DSCAML1: variants seen among roughly 807,000 people sequenced by gnomAD.
The protein encoded by DSCAML1 is cell adhesion molecule DSCAML1.
Under a neutral mutation model 200.5 loss-of-function variants are expected in DSCAML1, and 38 were observed. The observed-to-expected ratio is 0.19, with a 90% confidence interval of 0.15 to 0.25. The LOEUF is 0.25. Ranked by LOEUF, DSCAML1 falls within the 10% of genes least tolerant of loss-of-function variation. The pLI, the probability that DSCAML1 is intolerant of heterozygous loss-of-function variation, is 1.00. For synonymous variants in DSCAML1, 1,215 were observed against 1,165.0 expected (o/e 1.04, Z -0.87); for missense variants, 2,223 against 2,858.8 (o/e 0.78, Z 5.07).
intron 8 of DSCAML1, among the ~76,000 whole-genome samples, chr11:117,511,397 C>T (rs1362405076): frequency 1.3e-5 from 2 of 152,140 alleles, no homozygotes; most frequent in Admixed American, 1.3e-4. Flanking sequence ...CAAAGGGGCC[C>T]CAGTTGCAGC....
At position 117,505,992 on chromosome 11, in the gene DSCAML1, C is replaced by T. The variant is rs1352613827; in HGVS notation, c.1784-260G>A. ...ATTAACTCTGACCTTTTGATGTGTC[C>T]TGGAATTTGATTCATGCCTGCTGAT... is the stretch of plus-strand genomic sequence containing the variant. On this transcript the variant is annotated intron_variant, in intron 8 of 32. Coordinates refer to ENST00000651296, the MANE Select transcript of DSCAML1 (RefSeq NM_020693.4). The surrounding 1 kb of genome is among the most constrained non-coding windows in gnomAD (Gnocchi z 6.7). Among the ~76,000 whole-genome samples the T allele has an allele frequency of 6.6e-6, 1 of 152,220 alleles. No homozygotes were observed. The highest frequency in any genetic ancestry group is 1.5e-5 in the Non-Finnish European group (1 of 68,034).
At chr11:117,485,391 C>T (rs116721428) in intron 11 of DSCAML1, among the ~76,000 whole-genome samples, 2,517 of 152,306 alleles carry the variant, frequency 0.017, 69 homozygotes, top group African/African-American at 0.057. Context: ...CAATGAGCAT[C>T]ACACACCACA....
chr11:117,796,675 G>C (rs957089063), intron 1 of DSCAML1, among the ~76,000 whole-genome samples: 1 of 152,224 alleles, frequency 6.6e-6, no homozygotes, highest in African/African-American at 2.4e-5. Flanking sequence ...CCTCGACTCG[G>C]AGGGCACTCC....
At chr11:117,555,409 A>AAACT (rs1446645138) in intron 3 of DSCAML1, among the ~76,000 whole-genome samples, 2 of 152,136 alleles carry the variant, frequency 1.3e-5, no homozygotes, top group East Asian at 3.9e-4. Context: ...ACCCAGAAAC[A>AAACT]AACTCCCTGA....
intron 3 of DSCAML1, among the ~76,000 whole-genome samples, chr11:117,717,209 G>A (rs1031541099): frequency 1.3e-5 from 2 of 152,166 alleles, no homozygotes; most frequent in South Asian, 2.1e-4. Context: ...TAGGGCCCGA[G>A]AGCGGCCAAG....
chr11:117,769,125 A>ATTATGTATATTATATATTATATATATT lies in DSCAML1; in HGVS notation c.511+7639_511+7665dup, dbSNP rs1349115229. ...TATATATAATAGATATTTTATATAT[A>ATTATGTATATTATATATTATATATATT]TTATGTATATTATATATTATATATA... On this transcript the variant is annotated intron_variant, in intron 3 of 32. Transcript: ENST00000651296. Among the ~76,000 whole-genome samples the ATTATGTATATTATATATTATATATATT allele has an allele frequency of 5.7e-4, 73 of 127,214 alleles. 1 individual carries two copies. The highest frequency in any genetic ancestry group is 7.6e-4 in the Non-Finnish European group (48 of 63,420). The allele number at this position is 127,214 out of a possible 152,430, so 83.5% of individuals were successfully genotyped here.
chr11:117,737,407 G>A (rs1484194155), intron 3 of DSCAML1, among the ~76,000 whole-genome samples: 1 of 152,192 alleles, frequency 6.6e-6, no homozygotes, highest in Non-Finnish European at 1.5e-5. Flanking sequence ...ACAGTGCATG[G>A]GGGAATGCCA....
intron 3 of DSCAML1, among the ~76,000 whole-genome samples, chr11:117,683,247 A>G (rs1455484927): frequency 1.3e-5 from 2 of 152,228 alleles, no homozygotes; most frequent in African/African-American, 4.8e-5. Flanking sequence ...GGGAGTGCCA[A>G]CAACTGAGCG....
chr11:117,462,209 C>T (rs1397219311), intron 17 of DSCAML1, among the ~76,000 whole-genome samples: 1 of 152,240 alleles, frequency 6.6e-6, no homozygotes, highest in Non-Finnish European at 1.5e-5. Context: ...AAGCTTCGCT[C>T]GTGCCCTTGT....
chr11:117,786,031 A>G (rs2055345415), intron 1 of DSCAML1, among the ~76,000 whole-genome samples: 1 of 152,146 alleles, frequency 6.6e-6, no homozygotes, highest in South Asian at 2.1e-4. Context: ...GCTGGTCCCA[A>G]TTTGGAAAGC....
At chr11:117,473,517 A>G (rs1415003636) in intron 14 of DSCAML1, among the ~76,000 whole-genome samples, 1 of 152,170 alleles carries the variant, frequency 6.6e-6, no homozygotes, top group Non-Finnish European at 1.5e-5. Flanking sequence ...AAAACAAAAC[A>G]AAACAAAACA....
At chr11:117,785,016 G>A (rs1432970103) in intron 1 of DSCAML1, among the ~76,000 whole-genome samples, 3 of 152,140 alleles carry the variant, frequency 2.0e-5, no homozygotes, top group African/African-American at 2.4e-5. Flanking sequence ...ACTTCCTCTC[G>A]GCTGACTCCT....
At chr11:117,604,418 G>A (rs1329138069) in intron 3 of DSCAML1, among the ~76,000 whole-genome samples, 1 of 151,482 alleles carries the variant, frequency 6.6e-6, no homozygotes, top group Non-Finnish European at 1.5e-5. Flanking sequence ...CCCTCCCAGC[G>A]CCTGCCCCTC....
chr11:117,575,858 AAAACAAAACAAAACAAAACAAAAC>A (rs2050923363), intron 3 of DSCAML1, among the ~76,000 whole-genome samples: 2 of 150,082 alleles, frequency 1.3e-5, no homozygotes, highest in Non-Finnish European at 3.0e-5. Flanking sequence ...AAAACAAAAC[AAAACAAAACAAAACAAAACAAAAC>A]AAACAAAAAA....
At chr11:117,717,608 T>C (rs2053973721) in intron 3 of DSCAML1, among the ~76,000 whole-genome samples, 1 of 152,222 alleles carries the variant, frequency 6.6e-6, no homozygotes, top group Non-Finnish European at 1.5e-5. Flanking sequence ...GTCCTGGGCA[T>C]CCTGACTTCC....
intron 32 of DSCAML1, among the ~76,000 whole-genome samples, chr11:117,429,506 G>C (rs543835948): frequency 6.6e-6 from 1 of 152,172 alleles, no homozygotes; most frequent in Admixed American, 6.5e-5. Context: ...CGAGTAGCTG[G>C]GATTACAGGC....
chr11:117,550,881 G>A (rs2137391373), intron 3 of DSCAML1, among the ~76,000 whole-genome samples: 1 of 152,256 alleles, frequency 6.6e-6, no homozygotes, highest in Non-Finnish European at 1.5e-5. Context: ...ACTCCTCCGG[G>A]CACTGGCCTG....
intron 3 of DSCAML1, among the ~76,000 whole-genome samples, chr11:117,688,629 A>G (rs1213086443): frequency 6.6e-6 from 1 of 152,184 alleles, no homozygotes; most frequent in Non-Finnish European, 1.5e-5. Context: ...GACCTTGGGC[A>G]GGTCCCCCAG....
chr11:117,563,592 T>C (rs1332483277), intron 3 of DSCAML1, among the ~76,000 whole-genome samples: 1 of 152,214 alleles, frequency 6.6e-6, no homozygotes, highest in Non-Finnish European at 1.5e-5. Context: ...GTCTATCATG[T>C]GTTTGCTGAG....
Sources: gnomAD v4.1 joint callset for allele counts (sites outside exome capture counted in the v4.1 genomes callset) on GRCh38, gnomAD v4.1.1 for gene constraint, Gnocchi (gnomAD v3.1) non-coding constraint, MANE v1.5 for transcripts, NCBI Gene and HGNC (gene_info 2026-07-23, HGNC 2026-07-21) for gene names.